ENTREP2: variants seen among roughly 807,000 people sequenced by gnomAD.
The protein encoded by ENTREP2 is endosomal transmembrane epsin interactor 2.
chr15:29,491,203 T>C, the ENTREP2 span, among the ~76,000 whole-genome samples: 1 of 152,142 alleles, frequency 6.6e-6, no homozygotes. Flanking sequence ...ACCCAGATCT[T>C]GGGCTAGCCC....
the ENTREP2 span, among the ~76,000 whole-genome samples, chr15:29,647,651 C>CTTA: frequency 1.3e-5 from 2 of 152,110 alleles, no homozygotes; most frequent in African/African-American, 4.8e-5. Flanking sequence ...TCAGAGACAC[C>CTTA]TTATATTCCT....
At chr15:29,471,457 G>A in the ENTREP2 span, among the ~76,000 whole-genome samples, 2 of 152,208 alleles carry the variant, frequency 1.3e-5, no homozygotes, top group African/African-American at 4.8e-5. Flanking sequence ...AGAACAGAAA[G>A]ACAAGCACAG....
chr15:29,407,337 C>A, the ENTREP2 span, among the ~76,000 whole-genome samples: 1 of 152,174 alleles, frequency 6.6e-6, no homozygotes, highest in Non-Finnish European at 1.5e-5. Context: ...ATTGTATACA[C>A]AGTCCGTCAT....
the ENTREP2 span, among the ~76,000 whole-genome samples, chr15:29,139,433 A>G: frequency 1.3e-5 from 2 of 152,260 alleles, no homozygotes; most frequent in Non-Finnish European, 2.9e-5. Flanking sequence ...GCTGAGAAGC[A>G]GGGCGAGGGC....
At chr15:29,618,422 C>CA in the ENTREP2 span, among the ~76,000 whole-genome samples, 1,266 of 79,980 alleles carry the variant, frequency 0.016, 9 homozygotes, top group African/African-American at 0.037. Flanking sequence ...GACTCTGTCT[C>CA]AAAAAAAAAA....
the ENTREP2 span, among the ~76,000 whole-genome samples, chr15:29,312,031 G>A: frequency 6.6e-6 from 1 of 152,138 alleles, no homozygotes; most frequent in Non-Finnish European, 1.5e-5. Flanking sequence ...CAGAAACTGA[G>A]GGATAGGATA....
At chr15:29,484,654 A>T in the ENTREP2 span, among the ~76,000 whole-genome samples, 1 of 152,168 alleles carries the variant, frequency 6.6e-6, no homozygotes, top group Non-Finnish European at 1.5e-5. Context: ...CAGATTTTTT[A>T]AAGTAATCAT....
the ENTREP2 span, among the ~76,000 whole-genome samples, chr15:29,314,912 TGTG>T: frequency 6.6e-6 from 1 of 152,036 alleles, no homozygotes; most frequent in Non-Finnish European, 1.5e-5. Flanking sequence ...ATTAGCCAGG[TGTG>T]GTGGTGCACA....
the ENTREP2 span, among the ~76,000 whole-genome samples, chr15:29,184,079 G>A: frequency 6.6e-6 from 1 of 152,018 alleles, no homozygotes; most frequent in Admixed American, 6.6e-5. Context: ...CAACCTCTCA[G>A]GCTCAAGTGA....
the ENTREP2 span, among the ~76,000 whole-genome samples, chr15:29,651,158 C>A: frequency 6.6e-6 from 1 of 152,210 alleles, no homozygotes; most frequent in Non-Finnish European, 1.5e-5. Flanking sequence ...AACTAGAAGA[C>A]CCATGCACTG....
the ENTREP2 span, chr15:29,234,538 G>C: frequency 7.3e-7 from 1 of 1,372,758 alleles, no homozygotes; most frequent in Non-Finnish European, 1.0e-6. Flanking sequence ...GTATTGGTGG[G>C]CAAATAGCAA....
chr15:29,631,320 C>T, the ENTREP2 span, among the ~76,000 whole-genome samples: 4 of 152,146 alleles, frequency 2.6e-5, no homozygotes, highest in Admixed American at 6.5e-5. Context: ...GCATGACAAG[C>T]GGTCTTTGAT....
At chr15:29,535,258 AT>A in the ENTREP2 span, among the ~76,000 whole-genome samples, 1 of 152,180 alleles carries the variant, frequency 6.6e-6, no homozygotes, top group Non-Finnish European at 1.5e-5. Flanking sequence ...CTCTAAAAAA[AT>A]AATAATAAAA....
the ENTREP2 span, among the ~76,000 whole-genome samples, chr15:29,215,315 C>T: frequency 6.6e-6 from 1 of 152,040 alleles, no homozygotes. Flanking sequence ...GGCAGACCCA[C>T]CCTCAACCTG....
the ENTREP2 span, among the ~76,000 whole-genome samples, chr15:29,519,055 G>C: frequency 1.3e-5 from 2 of 151,982 alleles, no homozygotes; most frequent in Non-Finnish European, 2.9e-5. Flanking sequence ...AAAGCACCAA[G>C]TCCTCTTACC....
chr15:29,124,088 C>G, the ENTREP2 span, among the ~76,000 whole-genome samples: 1 of 152,168 alleles, frequency 6.6e-6, no homozygotes, highest in Non-Finnish European at 1.5e-5. Flanking sequence ...ATGAGACCGC[C>G]CCCCCCATCA....
At chr15:29,648,849 G>C in the ENTREP2 span, among the ~76,000 whole-genome samples, 1 of 151,750 alleles carries the variant, frequency 6.6e-6, no homozygotes, top group Non-Finnish European at 1.5e-5. Context: ...TGAGGCAGGA[G>C]AATTGCTTGA....
the ENTREP2 span, among the ~76,000 whole-genome samples, chr15:29,300,394 GATAA>G: frequency 3.1e-5 from 4 of 129,924 alleles, no homozygotes; most frequent in Admixed American, 7.5e-5. Context: ...TAGATAGATG[GATAA>G]ATGGATGGAT....
At chr15:29,582,135 G>C in the ENTREP2 span, among the ~76,000 whole-genome samples, 1 of 151,980 alleles carries the variant, frequency 6.6e-6, no homozygotes, top group Non-Finnish European at 1.5e-5. Context: ...GTAGAGATGG[G>C]TTTCACCATC....
Sources: gnomAD v4.1 joint callset for allele counts (sites outside exome capture counted in the v4.1 genomes callset) on GRCh38, gnomAD v4.1.1 for gene constraint, MANE v1.5 for transcripts, NCBI Gene and HGNC (gene_info 2026-07-23, HGNC 2026-07-21) for gene names.